SLC4A10: variants seen among roughly 807,000 people sequenced by gnomAD.
SLC4A10 encodes the protein sodium-driven chloride bicarbonate exchanger.
A neutral mutation model predicts 137.7 loss-of-function variants in SLC4A10; 42 were observed. The ratio of observed to expected loss-of-function variants is 0.30; its 90% CI spans 0.24 to 0.39. SLC4A10 has a LOEUF of 0.39. Ranked by LOEUF, SLC4A10 falls within the 10% of genes least tolerant of loss-of-function variation. The pLI is 1.00. For synonymous variants in SLC4A10, 474 were observed against 464.1 expected, an observed-to-expected ratio of 1.02 and a Z score of -0.27; for missense variants, 925 against 1,355.0, an observed-to-expected ratio of 0.68 and a Z score of 4.98.
Position 161,942,848 on chromosome 2 carries a change from A to C in SLC4A10, c.2054A>C (p.Glu685Ala), listed in dbSNP as rs750415816. 6.2e-7 allele frequency: 1 copy of C among 1,605,634 alleles called. No homozygotes were observed. The highest frequency in any genetic ancestry group is 1.7e-5 in the Admixed American group (1 of 59,024). ...PSNGTLKEWRESNISASDIIW... is the reference protein window; with the variant it reads ...PSNGTLKEWRASNISASDIIW... ...AATGGCACATTGAAGGAATGGAGGGAATCCAATATTTCTGCCTCTGACATA... is the reference window on the plus strand; with the variant it reads ...AATGGCACATTGAAGGAATGGAGGGCATCCAATATTTCTGCCTCTGACATA... The change falls in exon 16 of 27, where the codon GAA becomes GCA. Residue 685 changes from glutamate to alanine, a missense_variant. By Grantham distance (107) the Glu-to-Ala change is moderately radical. Transcript: ENST00000446997.
chr2:161,659,518 G>A (rs1167676528), intron 1 of SLC4A10, among the ~76,000 whole-genome samples: 2 of 152,094 alleles, frequency 1.3e-5, no homozygotes, highest in African/African-American at 2.4e-5. Context: ...AGTGGGTGAT[G>A]AGAAATTACT....
intron 2 of SLC4A10, among the ~76,000 whole-genome samples, chr2:161,793,336 AAT>A (rs1319172264): frequency 6.6e-6 from 1 of 152,134 alleles, no homozygotes; most frequent in East Asian, 1.9e-4. Context: ...TCAGGAATAC[AAT>A]ATGTTATTAA....
intron 11 of SLC4A10, among the ~76,000 whole-genome samples, chr2:161,899,797 T>C (rs887324255): frequency 6.6e-6 from 1 of 152,146 alleles, no homozygotes; most frequent in Non-Finnish European, 1.5e-5. Flanking sequence ...AGACAGTTCC[T>C]TCATCAGTTG....
At chr2:161,787,865 G>C (rs1383803960) in intron 2 of SLC4A10, among the ~76,000 whole-genome samples, 3 of 152,012 alleles carry the variant, frequency 2.0e-5, no homozygotes, top group Non-Finnish European at 4.4e-5. Flanking sequence ...GGATATCATT[G>C]CACTTCTTTA....
At chr2:161,913,495 G>A (rs1686361941) in intron 15 of SLC4A10, among the ~76,000 whole-genome samples, 2 of 152,078 alleles carry the variant, frequency 1.3e-5, no homozygotes, top group African/African-American at 4.8e-5. Context: ...TAACTATGTT[G>A]CAATTTCAGT....
chr2:161,907,279 G>A (rs184696248), intron 15 of SLC4A10, among the ~76,000 whole-genome samples: 1 of 152,304 alleles, frequency 6.6e-6, no homozygotes, highest in Admixed American at 6.5e-5. Flanking sequence ...CTGAGCATAG[G>A]TGTCAGGGAC....
chr2:161,822,554 A>G (rs2057711503), intron 3 of SLC4A10, among the ~76,000 whole-genome samples: 1 of 152,244 alleles, frequency 6.6e-6, no homozygotes, highest in Non-Finnish European at 1.5e-5. Context: ...CTGAGAGATA[A>G]CAGGCTAATT....
intron 19 of SLC4A10, among the ~76,000 whole-genome samples, chr2:161,956,128 T>C (rs955868255): frequency 2.6e-5 from 4 of 152,210 alleles, no homozygotes; most frequent in Admixed American, 2.6e-4. Context: ...TAGAATATAA[T>C]AGTACCTAAC....
intron 15 of SLC4A10, among the ~76,000 whole-genome samples, chr2:161,942,230 GA>G (rs1271447703): frequency 6.6e-6 from 1 of 152,232 alleles, no homozygotes; most frequent in East Asian, 1.9e-4. Context: ...TCTTCTCTAT[GA>G]AAATGCTTTA....
At chr2:161,671,739 G>A (rs765773482) in intron 1 of SLC4A10, among the ~76,000 whole-genome samples, 23 of 152,026 alleles carry the variant, frequency 1.5e-4, no homozygotes, top group Non-Finnish European at 3.2e-4. Context: ...TCTGTTAAAC[G>A]TTTTCATAGC....
chr2:161,650,217 T>C (rs1476740783), intron 1 of SLC4A10, among the ~76,000 whole-genome samples: 2 of 152,168 alleles, frequency 1.3e-5, no homozygotes, highest in Admixed American at 6.5e-5. Flanking sequence ...AGATATGTTG[T>C]AGAATGTTCC....
At chr2:161,888,126 T>G (rs535976518) in intron 10 of SLC4A10, among the ~76,000 whole-genome samples, 6 of 152,290 alleles carry the variant, frequency 3.9e-5, no homozygotes, top group Admixed American at 2.0e-4. Context: ...TAAATGGCAT[T>G]ATTTCTGAGG....
chr2:161,837,759 ATGTT>A (rs1208920911), intron 3 of SLC4A10, among the ~76,000 whole-genome samples: 3 of 152,162 alleles, frequency 2.0e-5, no homozygotes, highest in South Asian at 2.1e-4. Context: ...AATGAACTAA[ATGTT>A]TGTGTTCCCC....
At chr2:161,907,892 T>C (rs1363396564) in intron 15 of SLC4A10, among the ~76,000 whole-genome samples, 1 of 152,140 alleles carries the variant, frequency 6.6e-6, no homozygotes, top group Non-Finnish European at 1.5e-5. Flanking sequence ...AGAAACTATG[T>C]AAAACAAATA....
At chr2:161,972,155 C>T (rs1012963815) in intron 23 of SLC4A10, among the ~76,000 whole-genome samples, 3 of 152,072 alleles carry the variant, frequency 2.0e-5, no homozygotes, top group East Asian at 3.9e-4. Context: ...TATCATATAC[C>T]AGGCTTCACC....
chr2:161,769,546 G>A (rs1274982910), intron 1 of SLC4A10, among the ~76,000 whole-genome samples: 1 of 151,874 alleles, frequency 6.6e-6, no homozygotes, highest in Non-Finnish European at 1.5e-5. Context: ...AGTTTTGCTT[G>A]ATTAGATTTT....
At chr2:161,878,168 G>A (rs923671198) in intron 8 of SLC4A10, among the ~76,000 whole-genome samples, 9 of 151,860 alleles carry the variant, frequency 5.9e-5, no homozygotes, top group African/African-American at 1.7e-4. Flanking sequence ...TTCCTCTCTC[G>A]GCTATTCTCA....
intron 15 of SLC4A10, 90 bp from the exon 16 acceptor site, chr2:161,942,702 A>T: frequency 4.3e-6 from 4 of 921,656 alleles, no homozygotes; most frequent in Non-Finnish European, 6.8e-6. Flanking sequence ...GAATGCTGTG[A>T]CTGGAGAAAA....
In SLC4A10 at chr2:161,964,241, A is replaced by G; in HGVS notation, c.2969A>G (p.Gln990Arg). ...LRKVHLFTII[Q>R]MSCLGLLWII... The stretch of plus-strand genomic sequence containing the variant: ...AAAGTGCATCTCTTCACAATTATTC[A>G]GATGAGTTGCCTTGGCCTTTTGTGG... Residue 990 changes from glutamine to arginine, a missense_variant, in exon 22 of 27, where the codon CAG becomes CGG. Physicochemically the swap from Gln to Arg is conservative, Grantham distance 43. Around this residue, in one of 11 missense-constraint regions of SLC4A10, gnomAD observed 115 missense variants for 237.5 expected, o/e 0.48. Coordinates refer to ENST00000446997, the MANE Select transcript of SLC4A10 (RefSeq NM_001178015.2). 6.2e-7 allele frequency: 1 copy of G among 1,613,664 alleles called. No homozygotes were observed. The highest frequency in any genetic ancestry group is 8.5e-7 in the Non-Finnish European group (1 of 1,179,676).
Sources: allele counts gnomAD v4.1 joint callset (sites outside exome capture counted in the v4.1 genomes callset), GRCh38; gene constraint gnomAD v4.1.1; regional missense constraint gnomAD v4.1.1; transcripts MANE v1.5; gene names NCBI Gene and HGNC (gene_info 2026-07-23, HGNC 2026-07-21).